STAU1: variants seen among roughly 807,000 people sequenced by gnomAD.
STAU1 encodes staufen double-stranded RNA binding protein 1.
In STAU1, 13 loss-of-function variants were observed where a neutral mutation model predicts 62.9. That is an observed-to-expected ratio of 0.21 (90% CI 0.13 to 0.33). The LOEUF (loss-of-function observed/expected upper bound fraction) is 0.33, where lower values mean the gene tolerates loss of function less well. Among genes scored for constraint, STAU1 ranks in the 10% least tolerant of loss-of-function variants. STAU1 has a pLI of 1.00. For missense variants in STAU1, 571 were observed against 712.1 expected (o/e 0.80, Z 2.25); for synonymous variants, 269 against 265.1 (o/e 1.01, Z -0.14).
intron 5 of STAU1, among the ~76,000 whole-genome samples, chr20:49,136,317 C>G (rs939708980): frequency 1.3e-5 from 2 of 152,046 alleles, no homozygotes; most frequent in African/African-American, 4.8e-5. Context: ...AAAAAAACAC[C>G]CATCAACATC....
the STAU1 span, among the ~76,000 whole-genome samples, chr20:49,201,899 C>T: frequency 1.3e-5 from 2 of 151,962 alleles, no homozygotes; most frequent in African/African-American, 4.8e-5. Flanking sequence ...TAAGAAATGC[C>T]TCAAATCAGT....
chr20:49,187,894 G>A (rs948119974), intron 1 of STAU1, among the ~76,000 whole-genome samples: 1 of 151,998 alleles, frequency 6.6e-6, no homozygotes, highest in Non-Finnish European at 1.5e-5. Context: ...AGGGCTGGAG[G>A]GGATGGGGGC....
At chr20:49,173,475 T>C (rs1258639737) in intron 2 of STAU1, among the ~76,000 whole-genome samples, 1 of 152,158 alleles carries the variant, frequency 6.6e-6, no homozygotes, top group Non-Finnish European at 1.5e-5. Flanking sequence ...AGAAAAGCAT[T>C]ATACAAATCC....
chr20:49,201,458 T>C, the STAU1 span, among the ~76,000 whole-genome samples: 1 of 152,076 alleles, frequency 6.6e-6, no homozygotes, highest in Non-Finnish European at 1.5e-5. Context: ...TGGGGAATAT[T>C]GGCCTGGGCA....
intron 6 of STAU1, among the ~76,000 whole-genome samples, chr20:49,131,387 T>C (rs755655074): frequency 2.5e-4 from 38 of 152,218 alleles, no homozygotes; most frequent in Admixed American, 3.9e-4. Context: ...ATAGCAATGC[T>C]AAATTTCCTC....
intron 5 of STAU1, among the ~76,000 whole-genome samples, chr20:49,144,764 A>C (rs2093088674): frequency 6.6e-6 from 1 of 152,206 alleles, no homozygotes; most frequent in African/African-American, 2.4e-5. Context: ...CAATAAAAGA[A>C]GGTGTCATCA....
chr20:49,202,152 G>A, the STAU1 span, among the ~76,000 whole-genome samples: 9 of 150,228 alleles, frequency 6.0e-5, no homozygotes, highest in African/African-American at 1.7e-4. Context: ...CCCGGGAGGC[G>A]GAGCTTGCAG....
At chr20:49,202,230 AAAAGAAAGAAAG>A in the STAU1 span, among the ~76,000 whole-genome samples, 1 of 130,364 alleles carries the variant, frequency 7.7e-6, no homozygotes, top group Non-Finnish European at 1.6e-5. Context: ...AAAAAAAAAA[AAAAGAAAGAAAG>A]AAAGAAAGAA....
At chr20:49,187,318 G>A (rs891989594) in intron 1 of STAU1, among the ~76,000 whole-genome samples, 2 of 152,158 alleles carry the variant, frequency 1.3e-5, no homozygotes, top group Admixed American at 1.3e-4. Context: ...ATCGTTTACA[G>A]ACTGTCAACT....
intron 1 of STAU1, among the ~76,000 whole-genome samples, chr20:49,186,524 A>T (rs1425869652): frequency 6.6e-6 from 1 of 152,106 alleles, no homozygotes; most frequent in Non-Finnish European, 1.5e-5. Context: ...CAATCCTAAG[A>T]TACAGGAGGA....
At chr20:49,141,502 G>T (rs763497444) in intron 5 of STAU1, among the ~76,000 whole-genome samples, 1 of 152,180 alleles carries the variant, frequency 6.6e-6, no homozygotes, top group Non-Finnish European at 1.5e-5. Context: ...GAAGCAAAAA[G>T]ATCACTTGAT....
intron 5 of STAU1, among the ~76,000 whole-genome samples, chr20:49,140,969 T>C (rs2092993541): frequency 7.3e-6 from 1 of 137,152 alleles, no homozygotes; most frequent in African/African-American, 2.8e-5. Flanking sequence ...TTTTTTTTAA[T>C]AGATGATCTG....
chr20:49,146,042 T>G (rs2093124263), intron 5 of STAU1, among the ~76,000 whole-genome samples: 1 of 151,902 alleles, frequency 6.6e-6, no homozygotes, highest in Admixed American at 6.6e-5. Flanking sequence ...CCGAGGCAGG[T>G]GGTGGTCACT....
chr20:49,168,627 T>C (rs2093557574), intron 2 of STAU1, among the ~76,000 whole-genome samples: 1 of 152,064 alleles, frequency 6.6e-6, no homozygotes. Flanking sequence ...ACTCACAAAT[T>C]ATTAGTCACC....
intron 2 of STAU1, among the ~76,000 whole-genome samples, chr20:49,170,689 A>T (rs1159614761): frequency 6.6e-6 from 1 of 151,976 alleles, no homozygotes; most frequent in Admixed American, 6.6e-5. Context: ...TTTAAACCGG[A>T]TTAACACAAC....
chr20:49,172,990 G>C (rs368306834), intron 2 of STAU1, among the ~76,000 whole-genome samples: 6,487 of 150,064 alleles, frequency 0.043, 457 homozygotes, highest in African/African-American at 0.15. Context: ...CCATTCTCCC[G>C]CCCCCCAACA....
the STAU1 span, among the ~76,000 whole-genome samples, chr20:49,205,506 C>T: frequency 6.6e-6 from 1 of 151,350 alleles, no homozygotes; most frequent in Non-Finnish European, 1.5e-5. Context: ...GCTGGGATTA[C>T]AGGCACGCAC....
chr20:49,144,320 G>C (rs6066980), intron 5 of STAU1, among the ~76,000 whole-genome samples: 60,117 of 151,492 alleles, frequency 0.4, 11,910 homozygotes, highest in Middle Eastern at 0.48. Context: ...CAGGATGGGA[G>C]AGGTTCTTGT....
chr20:49,176,403 T>A (rs1387006476), intron 1 of STAU1, among the ~76,000 whole-genome samples: 1 of 152,206 alleles, frequency 6.6e-6, no homozygotes, highest in East Asian at 1.9e-4. Context: ...TGCGGTCTGA[T>A]TTATCTAGAG....
Sources: gnomAD v4.1 joint callset for allele counts (sites outside exome capture counted in the v4.1 genomes callset) on GRCh38, gnomAD v4.1.1 for gene constraint, MANE v1.5 for transcripts, NCBI Gene and HGNC (gene_info 2026-07-23, HGNC 2026-07-21) for gene names.